DSCAM: variants seen among roughly 807,000 people sequenced by gnomAD.
DSCAM encodes DS cell adhesion molecule.
In DSCAM, 47 loss-of-function variants were observed where a neutral mutation model predicts 217.7. That is an observed-to-expected ratio of 0.22 (90% CI 0.17 to 0.28). DSCAM has a LOEUF of 0.28. Ranked by LOEUF, DSCAM falls within the 10% of genes least tolerant of loss-of-function variation. DSCAM has a pLI of 1.00. For missense variants in DSCAM, 2,080 were observed against 2,618.3 expected (o/e 0.79, Z 4.49); for synonymous variants, 1,056 against 1,015.3 (o/e 1.04, Z -0.76).
intron 11 of DSCAM, among the ~76,000 whole-genome samples, chr21:40,215,475 C>A (rs1276512374): frequency 1.8e-5 from 2 of 113,092 alleles, no homozygotes; most frequent in African/African-American, 2.9e-5. Flanking sequence ...TGCAACCCAG[C>A]CATAAAAAAA....
At chr21:40,569,211 A>C (rs2076787452) in intron 3 of DSCAM, among the ~76,000 whole-genome samples, 1 of 152,098 alleles carries the variant, frequency 6.6e-6, no homozygotes, top group African/African-American at 2.4e-5. Flanking sequence ...CTTACAGTTT[A>C]TTCTTTAACA....
rs2073957357 is a variant in DSCAM at position 40,296,662 on chromosome 21, T to C, written c.2063-488A>G. Among the ~76,000 whole-genome samples, 4 of 151,730 alleles carry C rather than the reference T, an allele frequency of 2.6e-5. No homozygotes were observed. In the South Asian group the frequency reaches 8.3e-4, roughly 32 times the overall value. On this transcript the variant is annotated intron_variant, in intron 9 of 32. Transcript: ENST00000400454. The stretch of plus-strand genomic sequence containing the variant: ...GTCTGACCAACACGGAGAAACCCCA[T>C]CTCTACTAAAAATACAAAATTAGCT...
chr21:40,723,033 A>G (rs976081483), intron 1 of DSCAM, among the ~76,000 whole-genome samples: 13 of 152,078 alleles, frequency 8.5e-5, no homozygotes, highest in African/African-American at 3.1e-4. Flanking sequence ...ATCTGCTGGA[A>G]TTAAAGTGAA....
intron 3 of DSCAM, among the ~76,000 whole-genome samples, chr21:40,504,290 C>T (rs578191184): frequency 1.9e-3 from 296 of 152,214 alleles, no homozygotes; most frequent in Non-Finnish European, 3.1e-3. Context: ...GGATGTTGGC[C>T]GACTCCTCAG....
rs888800483 is a variant in DSCAM, at chr21:40,600,272, G to A, written c.508+92538C>T. Among the ~76,000 whole-genome samples the A allele has an allele frequency of 4.6e-5, 7 of 152,332 alleles. No homozygotes were observed. In the South Asian group the frequency reaches 1.0e-3, roughly 23 times the overall value. ...AACTGACATTTCTCACAGTGCTGGA[G>A]ACTGGATAGTCCAAGATCAGGGCAC... On this transcript the variant is annotated intron_variant, in intron 3 of 32. Transcript: ENST00000400454.
At chr21:40,083,484 C>A (rs1163974586) in intron 24 of DSCAM, among the ~76,000 whole-genome samples, 1 of 152,178 alleles carries the variant, frequency 6.6e-6, no homozygotes, top group Admixed American at 6.5e-5. Flanking sequence ...GAACTAATTG[C>A]AAAGGTTTTG....
At chr21:40,745,860 G>A (rs2091168854) in intron 1 of DSCAM, among the ~76,000 whole-genome samples, 1 of 152,000 alleles carries the variant, frequency 6.6e-6, no homozygotes, top group South Asian at 2.1e-4. Context: ...TTAGTTAAGA[G>A]TTAATATAAA....
intron 1 of DSCAM, among the ~76,000 whole-genome samples, chr21:40,841,067 C>T (rs528483598): frequency 1.3e-5 from 2 of 152,270 alleles, no homozygotes; most frequent in East Asian, 3.9e-4. Context: ...ATCAGCATCA[C>T]CTAAATGCAG....
intron 32 of DSCAM, among the ~76,000 whole-genome samples, chr21:40,036,112 A>C (rs1439897237): frequency 7.6e-6 from 1 of 132,298 alleles, no homozygotes; most frequent in Non-Finnish European, 1.6e-5. Flanking sequence ...AGAACTAGAA[A>C]AGCAAGAGCA....
intron 3 of DSCAM, among the ~76,000 whole-genome samples, chr21:40,509,141 A>G (rs2076238419): frequency 6.6e-6 from 1 of 152,104 alleles, no homozygotes; most frequent in African/African-American, 2.4e-5. Flanking sequence ...AATTCTGCAT[A>G]TTTTTGGAAG....
chr21:40,504,359 G>A (rs763255209), intron 3 of DSCAM, among the ~76,000 whole-genome samples: 4 of 151,760 alleles, frequency 2.6e-5, no homozygotes, highest in Non-Finnish European at 4.4e-5. Flanking sequence ...GCACACAGCT[G>A]TCCCTGCCTT....
intron 11 of DSCAM, among the ~76,000 whole-genome samples, chr21:40,235,363 C>A (rs2091418258): frequency 6.6e-6 from 1 of 152,134 alleles, no homozygotes; most frequent in Non-Finnish European, 1.5e-5. Context: ...AGGAAGCTGT[C>A]AGGTTTTCAA....
intron 10 of DSCAM, among the ~76,000 whole-genome samples, chr21:40,278,916 C>T (rs144034712): frequency 4.6e-5 from 7 of 151,886 alleles, no homozygotes; most frequent in African/African-American, 1.7e-4. Flanking sequence ...GAATTGTGGC[C>T]CATAGTTTTC....
chr21:40,317,885 G>T (rs1569060359), intron 8 of DSCAM, among the ~76,000 whole-genome samples: 1 of 152,092 alleles, frequency 6.6e-6, no homozygotes, highest in Non-Finnish European at 1.5e-5. Context: ...TTTCAGAGGT[G>T]ATGATGAACA....
At position 40,464,792 on chromosome 21, in the gene DSCAM, G is replaced by A. The variant is rs1288428553; in HGVS notation, c.509-95547C>T. 2.0e-5 allele frequency among the ~76,000 whole-genome samples: 3 copies of A among 149,868 alleles called. No homozygotes were observed. The East Asian group carries it at 5.9e-4, about 30-fold the overall frequency. The stretch of plus-strand genomic sequence containing the variant: ...AGTCTCGCTCTGTTGCCAGGCTGGA[G>A]CACGGTGGTGCAATCTCAGCTCACT... On this transcript the variant is annotated intron_variant, in intron 3 of 32. Transcript: ENST00000400454.
chr21:40,196,303 C>T (rs1045354160), intron 11 of DSCAM, among the ~76,000 whole-genome samples: 4 of 152,156 alleles, frequency 2.6e-5, no homozygotes, highest in African/African-American at 7.2e-5. Flanking sequence ...CCTTGGCCGT[C>T]CTGGGTTTTG....
intron 3 of DSCAM, among the ~76,000 whole-genome samples, chr21:40,682,152 G>C (rs1489215912): frequency 6.6e-6 from 1 of 151,442 alleles, no homozygotes; most frequent in Non-Finnish European, 1.5e-5. Flanking sequence ...ATTCCTTTGT[G>C]GTCATGGGGA....
At chr21:40,054,836 T>C (rs1441980716) in intron 29 of DSCAM, among the ~76,000 whole-genome samples, 1 of 152,164 alleles carries the variant, frequency 6.6e-6, no homozygotes, top group Non-Finnish European at 1.5e-5. Flanking sequence ...TCTGTGACCT[T>C]GGAAAGCTAC....
intron 13 of DSCAM, 75 bp downstream of exon 13, chr21:40,187,816 A>G (rs1330837380): frequency 7.8e-7 from 1 of 1,279,152 alleles, no homozygotes; most frequent in African/African-American, 1.5e-5. Context: ...GAGGACACAG[A>G]GATGCCTGAG....
Sources: allele counts gnomAD v4.1 joint callset (sites outside exome capture counted in the v4.1 genomes callset), GRCh38; gene constraint gnomAD v4.1.1; transcripts MANE v1.5; gene names NCBI Gene and HGNC (gene_info 2026-07-23, HGNC 2026-07-21).